The following CDC5L variants were observed in gnomAD, a reference collection of about 807,000 sequenced individuals.
The protein encoded by CDC5L is cell division cycle 5-like protein.
In CDC5L, 18 loss-of-function variants were observed where a neutral mutation model predicts 104.1. The ratio of observed to expected loss-of-function variants is 0.17; its 90% CI spans 0.12 to 0.26. CDC5L has a LOEUF of 0.26. Ranked by LOEUF, CDC5L falls within the 10% of genes least tolerant of loss-of-function variation. The pLI, the probability that CDC5L is intolerant of heterozygous loss-of-function variation, is 1.00. For synonymous variants in CDC5L, 331 were observed against 322.7 expected (o/e 1.03, Z -0.28); for missense variants, 673 against 956.9 (o/e 0.70, Z 3.91).
intron 14 of CDC5L, 149 bp downstream of exon 14, chr6:44,430,059 T>C: frequency 1.6e-6 from 1 of 628,248 alleles, no homozygotes; most frequent in Non-Finnish European, 2.8e-6. Flanking sequence ...AAGTGTTGGA[T>C]CTTCTTGGCC....
At chr6:44,401,299 T>C (rs1005500757) in intron 5 of CDC5L, among the ~76,000 whole-genome samples, 3 of 36,932 alleles carry the variant, frequency 8.1e-5, no homozygotes, top group African/African-American at 3.1e-4. Flanking sequence ...TTTCCTTGGC[T>C]TGCCCTCCCC....
At chr6:44,425,179 C>A (rs1404926442) in intron 11 of CDC5L, among the ~76,000 whole-genome samples, 2 of 152,178 alleles carry the variant, frequency 1.3e-5, no homozygotes, top group African/African-American at 2.4e-5. Flanking sequence ...ATCGGTATTA[C>A]AGGTTGAACA....
chr6:44,420,692 C>T (rs2153380823), intron 9 of CDC5L, among the ~76,000 whole-genome samples: 1 of 152,222 alleles, frequency 6.6e-6, no homozygotes. Context: ...ACATGACACT[C>T]AAAGGAAACG....
rs1177165960 is a variant in CDC5L, at chr6:44,387,865, C to T, written c.42C>T (p.Thr14=). The T allele has an allele frequency of 2.6e-6, 4 of 1,561,912 alleles. No individual in the cohort carries two copies. The South Asian group carries it at 3.5e-5, about 14-fold the overall frequency. The part of the protein sequence containing the change: ...IMIKGGVWRN[T]EDEILKAAVM... ...TCAAGGGGGGCGTATGGAGGAATAC[C>T]GAGGTAAGTCTCCTTTTCCCGCCGT... Residue 14 remains threonine (T), a synonymous_variant, in exon 1 of 16, where the codon ACC becomes ACT. Coordinates refer to ENST00000371477, the MANE Select transcript of CDC5L (RefSeq NM_001253.4).
chr6:44,397,071 C>T (rs1317425856), intron 5 of CDC5L, among the ~76,000 whole-genome samples: 1 of 152,190 alleles, frequency 6.6e-6, no homozygotes, highest in African/African-American at 2.4e-5. Flanking sequence ...CATCATTGGC[C>T]ATTGCTTATC....
Position 44,392,857 on chromosome 6 carries a change from ATATATG to A in CDC5L, c.311+37_311+42del, listed in dbSNP as rs1173061813. On this transcript the variant is annotated intron_variant, in intron 3 of 15. Coordinates refer to ENST00000371477, the MANE Select transcript of CDC5L (RefSeq NM_001253.4). ...AGTGAGTCTTCAGAAAGAGCATAGA[ATATATG>A]TATATGTTCTGAAAGAGGCTGAATA... The A allele has an allele frequency of 2.5e-6, 4 of 1,584,934 alleles. No individual in the cohort carries two copies. The East Asian group carries it at 8.9e-5, about 35-fold the overall frequency.
At chr6:44,442,360 GTGTGTGTGTGTATGT>G (rs1458048603) in intron 14 of CDC5L, among the ~76,000 whole-genome samples, 2 of 146,882 alleles carry the variant, frequency 1.4e-5, no homozygotes, top group East Asian at 4.0e-4. Context: ...TCTCTTGCTT[GTGTGTGTGTGTATGT>G]TGTGTGTGTG....
At chr6:44,387,929 C>T in intron 1 of CDC5L, 61 bp downstream of exon 1, 1 of 1,514,520 alleles carries the variant, frequency 6.6e-7, no homozygotes, top group South Asian at 1.2e-5. Context: ...TGTGCGCACG[C>T]GCGCGGAGGT....
chr6:44,419,437 C>T lies in CDC5L; in HGVS notation c.1093-12C>T. 1.2e-6 allele frequency: 2 copies of T among 1,612,950 alleles called. No individual in the cohort carries two copies. Among genetic ancestry groups the T allele is most frequent in the Non-Finnish European group, 8.5e-7 (1 of 1,179,584 alleles). ...ACTTTTAAACTTGCTTCTTTGTCTTCTTGTTAATCAGGAAGCCCAGAACCT... is the reference window on the plus strand; with the variant it reads ...ACTTTTAAACTTGCTTCTTTGTCTTTTTGTTAATCAGGAAGCCCAGAACCT... On this transcript the variant is annotated splice_polypyrimidine_tract_variant and intron_variant, in intron 8 of 15. Coordinates refer to ENST00000371477, the MANE Select transcript of CDC5L (RefSeq NM_001253.4).
chr6:44,426,453 TG>T lies in CDC5L; in HGVS notation c.1651-27del, dbSNP rs780014927. On this transcript the variant is annotated intron_variant, in intron 12 of 15. Coordinates refer to ENST00000371477, the MANE Select transcript of CDC5L (RefSeq NM_001253.4). Reference sequence around the variant, plus strand: ...CATTAATATATTATAGTGATATGTTTGGTAATTGTATTTGTTTTAAAATTTT... The same window carrying T: ...CATTAATATATTATAGTGATATGTTTGTAATTGTATTTGTTTTAAAATTTT... 2,063 of 1,215,096 alleles carry T rather than the reference TG, an allele frequency of 1.7e-3. 5 individuals carry two copies. Among genetic ancestry groups the T allele is most frequent in the Non-Finnish European group, 1.9e-3 (1,615 of 831,730 alleles). The allele number at this position is 1,215,096 out of a possible 1,614,324, so 75.3% of individuals were successfully genotyped here. A position where few individuals can be genotyped will look rare whatever the true frequency, so the allele number is the denominator to read the frequency against.
Position 44,406,228 on chromosome 6 carries a change from G to A in CDC5L, c.759-95G>A, listed in dbSNP as rs371468855. 587 of 912,434 alleles carry A rather than the reference G, an allele frequency of 6.4e-4. 3 individuals are homozygous for A. The highest frequency in any genetic ancestry group is 6.1e-3 in the South Asian group (343 of 56,564). The allele number at this position is 912,434 out of a possible 1,614,324, so 56.5% of individuals were successfully genotyped here. On this transcript the variant is annotated intron_variant, in intron 6 of 15. Coordinates refer to ENST00000371477, the MANE Select transcript of CDC5L (RefSeq NM_001253.4). ...TTTCAGTTATTTTCTTAGAAATGAG[G>A]TTGTTTGTTCAAAGGGTTTGAGTAT... is the stretch of plus-strand genomic sequence containing the variant.
intron 5 of CDC5L, among the ~76,000 whole-genome samples, chr6:44,401,103 C>A (rs1229290099): frequency 2.0e-5 from 3 of 152,174 alleles, no homozygotes; most frequent in African/African-American, 7.2e-5. Flanking sequence ...TTTGATAGTA[C>A]CCTTAGGCTA....
chr6:44,418,502 G>C (rs1321190380), intron 8 of CDC5L, among the ~76,000 whole-genome samples: 2 of 152,152 alleles, frequency 1.3e-5, no homozygotes, highest in Admixed American at 1.3e-4. Context: ...AATCCTTTGG[G>C]TATATAGCCA....
At chr6:44,441,560 A>G (rs959883047) in intron 14 of CDC5L, among the ~76,000 whole-genome samples, 2 of 152,212 alleles carry the variant, frequency 1.3e-5, no homozygotes, top group African/African-American at 4.8e-5. Context: ...TGGCTGTACT[A>G]ATTTACAATA....
At chr6:44,396,293 TG>T in intron 4 of CDC5L, 47 bp from the exon 5 acceptor site, 1 of 1,244,784 alleles carries the variant, frequency 8.0e-7, no homozygotes, top group Non-Finnish European at 1.2e-6. Flanking sequence ...TTCTAGAGTA[TG>T]TAAGAACTAA....
chr6:44,433,190 G>A (rs552861443), intron 14 of CDC5L, among the ~76,000 whole-genome samples: 4 of 152,178 alleles, frequency 2.6e-5, no homozygotes, highest in African/African-American at 9.6e-5. Context: ...TATCTACCAC[G>A]TACTGGATAC....
chr6:44,387,973 C>A, intron 1 of CDC5L, 105 bp downstream of exon 1: 1 of 1,053,956 alleles, frequency 9.5e-7, no homozygotes, highest in Non-Finnish European at 1.4e-6. Context: ...GTGGGGTCTG[C>A]GTGGAGGGCA....
chr6:44,406,607 T>G, intron 7 of CDC5L, 140 bp downstream of exon 7: 1 of 766,266 alleles, frequency 1.3e-6, no homozygotes, highest in Admixed American at 2.6e-5. Context: ...GAGACACACA[T>G]AAAAACAAGT....
intron 4 of CDC5L, 101 bp downstream of exon 4, chr6:44,393,674 T>G: frequency 8.7e-7 from 1 of 1,152,526 alleles, no homozygotes. Flanking sequence ...TAGAATCCCT[T>G]TTTTTTTTGA....
Sources: gnomAD v4.1 joint callset for allele counts (sites outside exome capture counted in the v4.1 genomes callset) on GRCh38, gnomAD v4.1.1 for gene constraint, MANE v1.5 for transcripts, NCBI Gene and HGNC (gene_info 2026-07-23, HGNC 2026-07-21) for gene names.